Variants in GNA11 observed in about 807,000 individuals in gnomAD.
The protein encoded by GNA11 is G protein subunit alpha 11, also known as guanine nucleotide-binding protein subunit alpha-11.
A neutral mutation model predicts 38.2 loss-of-function variants in GNA11; 8 were observed. That is an observed-to-expected ratio of 0.21 (90% confidence interval 0.12 to 0.38). The LOEUF (loss-of-function observed/expected upper bound fraction) is 0.38. Ranked by LOEUF, GNA11 falls within the 10% of genes least tolerant of loss-of-function variation. The pLI is 1.00. For missense variants in GNA11, 268 were observed against 516.3 expected (o/e 0.52, Z 4.66); for synonymous variants, 211 against 221.4 (o/e 0.95, Z 0.42).
At chr19:3,106,946 C>T (rs916926503) in intron 1 of GNA11, among the ~76,000 whole-genome samples, 8 of 152,200 alleles carry the variant, frequency 5.3e-5, no homozygotes, top group African/African-American at 1.2e-4. Flanking sequence ...CCTTACAAAA[C>T]GCAAAACAGG....
In GNA11 at chr19:3,119,264, AG is replaced by A. The variant is rs1356228851; in HGVS notation, c.795del (p.Asn266ThrfsTer45). 6.2e-7 allele frequency: 1 copy of A among 1,613,878 alleles called. No individual in the cohort carries two copies. Among genetic ancestry groups the A allele is most frequent in the East Asian group, 2.2e-5 (1 of 44,882 alleles). ...FRTIITYPWF[Q>X]NSSVILFLNK... ...ACCATCATCACCTACCCCTGGTTCC[AG>A]AACTCCTCCGTCATCCTCTTCCTCA... is the stretch of plus-strand genomic sequence containing the variant. On this transcript the variant is annotated frameshift_variant, in exon 6 of 7. Coordinates refer to ENST00000078429, the MANE Select transcript of GNA11 (RefSeq NM_002067.5). LOFTEE classifies it high-confidence loss of function. This position sits in a 1 kb window ranked among gnomAD's most constrained non-coding sequence, Gnocchi z 4.6.
intron 1 of GNA11, among the ~76,000 whole-genome samples, chr19:3,104,269 C>G (rs746850788): frequency 6.6e-6 from 1 of 152,234 alleles, no homozygotes; most frequent in Non-Finnish European, 1.5e-5. Flanking sequence ...GTTGGCCTCT[C>G]CAGATCTTGG....
chr19:3,107,207 G>A (rs957539081), intron 1 of GNA11, among the ~76,000 whole-genome samples: 6 of 152,194 alleles, frequency 3.9e-5, no homozygotes, highest in Admixed American at 3.9e-4. Context: ...CTGCACTCCA[G>A]CCTGGGCAAC....
At chr19:3,097,517 C>A (rs941885671) in intron 1 of GNA11, among the ~76,000 whole-genome samples, 1 of 152,200 alleles carries the variant, frequency 6.6e-6, no homozygotes, top group Non-Finnish European at 1.5e-5. Context: ...GCTCCAGGGC[C>A]CTGCCCTGAC....
chr19:3,113,085 C>T (rs552868199), intron 2 of GNA11, among the ~76,000 whole-genome samples: 93 of 152,362 alleles, frequency 6.1e-4, no homozygotes, highest in African/African-American at 2.0e-3. Flanking sequence ...CCGGCCTCCC[C>T]GGCACCCTGC....
rs759838121 is a variant in GNA11 at position 3,115,077 on chromosome 19, C to T, written c.605+5C>T. On this transcript the variant is annotated splice_donor_5th_base_variant and intron_variant, in intron 4 of 6. Coordinates refer to ENST00000078429, the MANE Select transcript of GNA11 (RefSeq NM_002067.5). ...CCTGGAGAACATCATCTTCCGGTAC[C>T]GCCCGGGCCACAGCAGGCGGGGAGG... The T allele has an allele frequency of 3.7e-5, 59 of 1,605,950 alleles. No individual in the cohort carries two copies. The highest frequency in any genetic ancestry group is 7.9e-5 in the South Asian group (7 of 88,462).
rs2145327171 is a variant in GNA11, at chr19:3,119,377, A to T, written c.889+18A>T. 8.1e-6 allele frequency: 13 copies of T among 1,605,872 alleles called. No homozygotes were observed. Among genetic ancestry groups the T allele is most frequent in the Non-Finnish European group, 1.1e-5 (13 of 1,176,968 alleles). ...GTTCGATGGTGCGCCGGGCTGCGGC[A>T]TGGGGAGGGGCTCGCGGGCAGGGCC... On this transcript the variant is annotated intron_variant, in intron 6 of 6. Transcript: ENST00000078429. This position sits in a 1 kb window ranked among gnomAD's most constrained non-coding sequence, Gnocchi z 4.6.
Position 3,094,878 on chromosome 19 carries a change from C to G in GNA11, c.136+91C>G. The G allele has an allele frequency of 1.0e-6, 1 of 991,496 alleles. No homozygotes were observed. The highest frequency in any genetic ancestry group is 1.4e-6 in the Non-Finnish European group (1 of 727,392). 61.4% of individuals were successfully genotyped at this position (991,496 alleles called of 1,614,324 possible). On this transcript the variant is annotated intron_variant, in intron 1 of 6. Transcript: ENST00000078429. This position sits in a 1 kb window ranked among gnomAD's most constrained non-coding sequence, Gnocchi z 6.0. ...GGGTCGGGCCGGGACCCTCCGGGGT[C>G]AGCCCTGCCTGTGCCGTCCGGGTCG...
At chr19:3,117,943 C>G (rs968640347) in intron 4 of GNA11, 3 of 152,324 alleles carry the variant, frequency 2.0e-5, no homozygotes, top group African/African-American at 7.2e-5. Context: ...GGAGAGGCCT[C>G]GCGCTCCAGA....
rs1913752668 is a variant in GNA11 at position 3,110,655 on chromosome 19, G to C, written c.321+322G>C. Among the ~76,000 whole-genome samples the C allele has an allele frequency of 1.3e-5, 2 of 152,198 alleles. No homozygotes were observed. Among genetic ancestry groups the C allele is most frequent in the Admixed American group, 1.3e-4 (2 of 15,286 alleles). Reference sequence around the variant, plus strand: ...CCCTGTGAGGTGAGCCACTCGCCCAGGTCGCCTTGGGAGTAAGCAGCGTGA... The same window carrying C: ...CCCTGTGAGGTGAGCCACTCGCCCACGTCGCCTTGGGAGTAAGCAGCGTGA... On this transcript the variant is annotated intron_variant, in intron 2 of 6. Transcript: ENST00000078429. This position sits in a 1 kb window ranked among gnomAD's most constrained non-coding sequence, Gnocchi z 5.4.
At chr19:3,102,820 AG>A (rs1386904932) in intron 1 of GNA11, among the ~76,000 whole-genome samples, 1 of 152,184 alleles carries the variant, frequency 6.6e-6, no homozygotes, top group Non-Finnish European at 1.5e-5. Flanking sequence ...CACACCCACC[AG>A]TACAGCTCTT....
intron 1 of GNA11, among the ~76,000 whole-genome samples, chr19:3,105,465 G>T (rs1374568729): frequency 6.6e-6 from 1 of 151,272 alleles, no homozygotes; most frequent in Non-Finnish European, 1.5e-5. Flanking sequence ...GGTGTAGGGG[G>T]TGGTTGTGTT....
chr19:3,104,783 C>T (rs1265037863), intron 1 of GNA11, among the ~76,000 whole-genome samples: 1 of 152,210 alleles, frequency 6.6e-6, no homozygotes, highest in African/African-American at 2.4e-5. Flanking sequence ...TGCCACACCT[C>T]ACTGAGGAGG....
In GNA11 at chr19:3,122,046, C is replaced by T. The variant is rs1012188769; in HGVS notation, c.*867C>T. On this transcript the variant is annotated 3_prime_UTR_variant, in exon 7 of 7. Coordinates refer to ENST00000078429, the MANE Select transcript of GNA11 (RefSeq NM_002067.5). This position sits in a 1 kb window ranked among gnomAD's most constrained non-coding sequence, Gnocchi z 7.7. ...TGCCCGGGGACTCCAGAGGGCTGCA[C>T]GGCCACCCTGCCCTGGCTAGAGCGC... 2.6e-5 allele frequency: 6 copies of T among 233,208 alleles called. No individual in the cohort carries two copies. The highest frequency in any genetic ancestry group is 1.1e-4 in the Admixed American group (2 of 17,790). The allele number at this position is 233,208 out of a possible 1,614,324, so 14.4% of individuals were successfully genotyped here. A position where few individuals can be genotyped will look rare whatever the true frequency, so the allele number is the denominator to read the frequency against.
chr19:3,104,242 G>T (rs17681874), intron 1 of GNA11, among the ~76,000 whole-genome samples: 20,224 of 152,252 alleles, frequency 0.13, 1,621 homozygotes, highest in East Asian at 0.18. Context: ...GCTGGGGCAC[G>T]GACTTCGTTC....
intron 1 of GNA11, among the ~76,000 whole-genome samples, chr19:3,103,275 G>A (rs1568279959): frequency 1.3e-5 from 2 of 150,796 alleles, no homozygotes; most frequent in African/African-American, 2.4e-5. Context: ...GTGCAGTGGT[G>A]CAGTCTTGGC....
In GNA11 at chr19:3,120,092, C is replaced by T. The variant is rs1291912122; in HGVS notation, c.889+733C>T. 6.6e-6 allele frequency among the ~76,000 whole-genome samples: 1 copy of T among 152,022 alleles called. No individual in the cohort carries two copies. The highest frequency in any genetic ancestry group is 1.5e-5 in the Non-Finnish European group (1 of 67,968). On this transcript the variant is annotated intron_variant, in intron 6 of 6. Transcript: ENST00000078429. The surrounding 1 kb of genome is among the most constrained non-coding windows in gnomAD (Gnocchi z 5.9). ...TGAGGCCCTGGGCAGCTCTGGCGCC[C>T]TCATTTCCACCCCGGATCTGTGCTC...
chr19:3,120,930 C>T lies in GNA11; in HGVS notation c.890-59C>T. 7.6e-7 allele frequency: 1 copy of T among 1,323,288 alleles called. No homozygotes were observed. The highest frequency in any genetic ancestry group is 1.1e-6 in the Non-Finnish European group (1 of 936,474). The allele number at this position is 1,323,288 out of a possible 1,614,324, so 82.0% of individuals were successfully genotyped here. On this transcript the variant is annotated intron_variant, in intron 6 of 6. Transcript: ENST00000078429. The surrounding 1 kb of genome is among the most constrained non-coding windows in gnomAD (Gnocchi z 5.9). ...ATCCCCTGGGAGTGACAAAGGGGCC[C>T]ACGAGTCCCTTGCCCTGGGCCGGGC...
At chr19:3,104,371 T>G (rs1040777948) in intron 1 of GNA11, among the ~76,000 whole-genome samples, 1 of 152,190 alleles carries the variant, frequency 6.6e-6, no homozygotes, top group Non-Finnish European at 1.5e-5. Context: ...AGTGGTGGCG[T>G]GCTGAGTGTA....
Sources: gnomAD v4.1 joint callset for allele counts (sites outside exome capture counted in the v4.1 genomes callset) on GRCh38, gnomAD v4.1.1 for gene constraint, Gnocchi (gnomAD v3.1) non-coding constraint, MANE v1.5 for transcripts, NCBI Gene and HGNC (gene_info 2026-07-23, HGNC 2026-07-21) for gene names.